TOP3A: variants seen among roughly 807,000 people sequenced by gnomAD.
TOP3A encodes DNA topoisomerase III alpha.
In TOP3A, 64 loss-of-function variants were observed where a neutral mutation model predicts 111.3. The observed-to-expected ratio is 0.57, with a 90% CI of 0.47 to 0.71. The LOEUF (loss-of-function observed/expected upper bound fraction) is 0.71. TOP3A is among the 30% of genes least tolerant of loss of function. The pLI is 0.00. For synonymous variants in TOP3A, 484 were observed against 485.1 expected, an observed-to-expected ratio of 1.00 and a Z score of 0.03; for missense variants, 1,104 against 1,285.0, an observed-to-expected ratio of 0.86 and a Z score of 2.15.
At chr17:18,279,685 G>A (rs941863563) in intron 17 of TOP3A, among the ~76,000 whole-genome samples, 2 of 152,042 alleles carry the variant, frequency 1.3e-5, no homozygotes, top group South Asian at 2.1e-4. Flanking sequence ...CACCAGGCTC[G>A]GCCTATTCAT....
intron 9 of TOP3A, among the ~76,000 whole-genome samples, chr17:18,295,113 T>C (rs1287453533): frequency 6.6e-6 from 1 of 152,194 alleles, no homozygotes; most frequent in Non-Finnish European, 1.5e-5. Flanking sequence ...CCTCCCAAAA[T>C]GCTAGGATCA....
At chr17:18,302,511 C>T in intron 6 of TOP3A, 69 bp downstream of exon 6, 7 of 1,597,110 alleles carry the variant, frequency 4.4e-6, no homozygotes, top group Non-Finnish European at 6.0e-6. Flanking sequence ...CATATCGACA[C>T]AGAGCCCATT....
At chr17:18,280,475 A>G in intron 17 of TOP3A, 61 bp downstream of exon 17, 1 of 1,573,894 alleles carries the variant, frequency 6.4e-7, no homozygotes. Context: ...TTCTGGCAGG[A>G]GCAAGGGAAA....
intron 9 of TOP3A, among the ~76,000 whole-genome samples, chr17:18,298,664 T>C (rs1299908286): frequency 6.6e-6 from 1 of 151,848 alleles, no homozygotes; most frequent in Admixed American, 6.6e-5. Flanking sequence ...CGTGTCTGTG[T>C]AGAAAGAGGT....
intron 10 of TOP3A, 128 bp downstream of exon 10, chr17:18,294,575 G>A (rs928056126): frequency 3.6e-5 from 24 of 659,608 alleles, no homozygotes; most frequent in South Asian, 1.7e-4. Context: ...TGATCTGCCC[G>A]CCTCAGCCAC....
At chr17:18,292,241 G>GT (rs1307537570) in intron 11 of TOP3A, among the ~76,000 whole-genome samples, 1 of 152,236 alleles carries the variant, frequency 6.6e-6, no homozygotes, top group Non-Finnish European at 1.5e-5. Flanking sequence ...GGAAACTGCA[G>GT]TGACAGGGGG....
At chr17:18,295,988 C>T (rs1239649297) in intron 9 of TOP3A, among the ~76,000 whole-genome samples, 3 of 148,118 alleles carry the variant, frequency 2.0e-5, no homozygotes, top group East Asian at 2.1e-4. Flanking sequence ...AGGATGGTCT[C>T]GATCTCCTAC....
Position 18,278,167 on chromosome 17 carries a change from G to C in TOP3A, c.2335C>G (p.Gln779Glu). ...NQSLNRMDNS[Q>E]HPQPADSRQT... ...CTGCTGTCAGCAGGCTGGGGGTGCT[G>C]GCTGTTGTCCATCCTGTTCAGGGAC... is the stretch of plus-strand genomic sequence containing the variant. The change falls in exon 18 of 19, where the codon CAG (glutamine) becomes GAG (glutamate). Residue 779 changes from glutamine (Q) to glutamate (E), a missense_variant. Gln to Glu is a conservative substitution (Grantham distance 29). Transcript: ENST00000321105. The C allele has an allele frequency of 1.2e-6, 2 of 1,614,088 alleles. No homozygotes were observed. Among genetic ancestry groups the C allele is most frequent in the Non-Finnish European group, 1.7e-6 (2 of 1,179,956 alleles).
chr17:18,293,973 T>A (rs1980637855), intron 10 of TOP3A, among the ~76,000 whole-genome samples: 1 of 152,234 alleles, frequency 6.6e-6, no homozygotes, highest in African/African-American at 2.4e-5. Flanking sequence ...ACCCAATGTA[T>A]ATTTTACATC....
Position 18,277,962 on chromosome 17 carries a change from A to C in TOP3A, c.2540T>G (p.Leu847Arg). Residue 847 changes from leucine (L) to arginine (R), a missense_variant, in exon 18 of 19, where the codon CTG (leucine) becomes CGG (arginine). Transcript: ENST00000321105. Reference protein sequence around the residue: ...KCNGGSCNFFLWADSPNPGAG... With the variant: ...KCNGGSCNFFRWADSPNPGAG... ...TCCCGGATTGGGGCTGTCTGCCCAC[A>C]GGAAGAAGTTGCAGCTACCTCCGTT... 1 of 1,613,998 alleles carries C rather than the reference A, an allele frequency of 6.2e-7. No homozygotes were observed. Among genetic ancestry groups the C allele is most frequent in the Non-Finnish European group, 8.5e-7 (1 of 1,180,030 alleles).
At chr17:18,293,735 T>G (rs1980622412) in intron 10 of TOP3A, among the ~76,000 whole-genome samples, 1 of 152,092 alleles carries the variant, frequency 6.6e-6, no homozygotes, top group African/African-American at 2.4e-5. Context: ...TAGCTGGGAT[T>G]ACAGGTGCCT....
intron 15 of TOP3A, among the ~76,000 whole-genome samples, chr17:18,284,032 C>T (rs985795573): frequency 1.3e-5 from 2 of 152,148 alleles, no homozygotes; most frequent in African/African-American, 4.8e-5. Context: ...AGAAGTCTCA[C>T]TCTGTTGCCC....
At position 18,292,669 on chromosome 17, in the gene TOP3A, G is replaced by T. The variant is rs1391898935; in HGVS notation, c.1257C>A (p.Pro419=). The change falls in exon 11 of 19, where the codon CCC becomes CCA. Residue 419 remains proline, a synonymous_variant. Coordinates refer to ENST00000321105, the MANE Select transcript of TOP3A (RefSeq NM_004618.5). The part of the protein sequence containing the change: ...KSDQAHPPIH[P]TKYTNNLQGD... ...CCTGTAAGTTGTTGGTGTATTTGGT[G>T]GGGTGAATGGGAGGGTGAGCTTGGT... 19 of 1,581,040 alleles carry T rather than the reference G, an allele frequency of 1.2e-5. No homozygotes were observed. Among genetic ancestry groups the T allele is most frequent in the Non-Finnish European group, 1.4e-5 (16 of 1,158,942 alleles).
intron 17 of TOP3A, 85 bp downstream of exon 17, chr17:18,280,451 C>A: frequency 6.7e-7 from 1 of 1,498,780 alleles, no homozygotes; most frequent in Non-Finnish European, 9.0e-7. Context: ...GAATCCCCGA[C>A]ACTCCTCTCT....
chr17:18,278,214 G>C lies in TOP3A; in HGVS notation c.2288C>G (p.Ser763Cys). 6.2e-7 allele frequency: 1 copy of C among 1,602,918 alleles called. No individual in the cohort carries two copies. Among genetic ancestry groups the C allele is most frequent in the Non-Finnish European group, 8.5e-7 (1 of 1,171,650 alleles). Residue 763 changes from serine (S) to cysteine (C), a missense_variant, in exon 18 of 19, where the codon TCT (serine) becomes TGT (cysteine). Ser to Cys is a moderately radical substitution (Grantham distance 112). Coordinates refer to ENST00000321105, the MANE Select transcript of TOP3A (RefSeq NM_004618.5). ...GGACTGGTTAGCCTGCAGGCGGCCA[G>C]AGGGCTGGCTAGCCCTGGGGGGGCC... ...SGGPPRASQP[S>C]GRLQANQSLN... is the part of the protein sequence containing the mutation.
chr17:18,303,861 T>G (rs1452708928), intron 5 of TOP3A, among the ~76,000 whole-genome samples: 1 of 152,166 alleles, frequency 6.6e-6, no homozygotes, highest in Non-Finnish European at 1.5e-5. Flanking sequence ...TTACTTTGTG[T>G]GTGTCTTCTT....
intron 18 of TOP3A, among the ~76,000 whole-genome samples, chr17:18,276,722 T>G (rs1979393556): frequency 6.6e-6 from 1 of 152,228 alleles, no homozygotes; most frequent in Non-Finnish European, 1.5e-5. Context: ...TTAAGCTCTG[T>G]TGTGCACTGG....
intron 15 of TOP3A, among the ~76,000 whole-genome samples, chr17:18,283,390 C>T (rs1366318853): frequency 6.6e-6 from 1 of 151,992 alleles, no homozygotes. Flanking sequence ...AGTAAAACTG[C>T]ACAGGGTCCA....
intron 9 of TOP3A, among the ~76,000 whole-genome samples, chr17:18,295,764 A>T (rs1567744296): frequency 7.0e-6 from 1 of 143,758 alleles, no homozygotes; most frequent in Non-Finnish European, 1.5e-5. Flanking sequence ...TGGCCCAGAA[A>T]TCTACATTTT....
Sources: allele counts gnomAD v4.1 joint callset (sites outside exome capture counted in the v4.1 genomes callset), GRCh38; gene constraint gnomAD v4.1.1; transcripts MANE v1.5; gene names NCBI Gene and HGNC (gene_info 2026-07-23, HGNC 2026-07-21).